Variants in SYT16 observed in about 807,000 individuals in gnomAD.
SYT16 encodes synaptotagmin-16.
Under a neutral mutation model 61.4 loss-of-function variants are expected in SYT16, and 42 were observed. The ratio of observed to expected loss-of-function variants is 0.68; its 90% CI spans 0.53 to 0.89. The LOEUF (loss-of-function observed/expected upper bound fraction) is 0.89. Among genes scored for constraint, SYT16 ranks in the 40% least tolerant of loss-of-function variants. The pLI is 0.00. For missense variants in SYT16, 804 were observed against 807.3 expected, an observed-to-expected ratio of 1.00 and a Z score of 0.05; for synonymous variants, 314 against 302.3, an observed-to-expected ratio of 1.04 and a Z score of -0.40.
At chr14:62,083,750 C>T (rs910783521) in intron 6 of SYT16, among the ~76,000 whole-genome samples, 1 of 152,190 alleles carries the variant, frequency 6.6e-6, no homozygotes, top group Non-Finnish European at 1.5e-5. Flanking sequence ...AGTTAAGACA[C>T]AACGCCTCCT....
At chr14:62,011,914 C>T (rs111573513) in intron 3 of SYT16, among the ~76,000 whole-genome samples, 6 of 94,460 alleles carry the variant, frequency 6.4e-5, no homozygotes, top group South Asian at 8.4e-4. Flanking sequence ...CATATATATA[C>T]ACACACACAC....
chr14:62,057,440 G>A (rs1311046769), intron 3 of SYT16, among the ~76,000 whole-genome samples: 1 of 152,132 alleles, frequency 6.6e-6, no homozygotes, highest in Non-Finnish European at 1.5e-5. Context: ...TAGAGACATG[G>A]GGGTAGGGTC....
rs569609980 is a variant in SYT16 at position 61,989,173 on chromosome 14, G to A, written c.-144-6703G>A. On this transcript the variant is annotated intron_variant, in intron 2 of 7. Coordinates refer to ENST00000683842, the MANE Select transcript of SYT16 (RefSeq NM_001367656.1). ...TTTTTTCCGTGGTATTAGCTCATTA[G>A]GGAAAGATGATAGGAGTTTAATGTA... Among the ~76,000 whole-genome samples the A allele has an allele frequency of 3.9e-5, 6 of 152,106 alleles. No homozygotes were observed. In the South Asian group the frequency reaches 1.2e-3, roughly 32 times the overall value.
intron 1 of SYT16, among the ~76,000 whole-genome samples, chr14:61,926,987 A>G (rs1349932111): frequency 1.3e-5 from 2 of 152,154 alleles, no homozygotes; most frequent in Non-Finnish European, 2.9e-5. Context: ...TGTAACAAAG[A>G]CTCAGCTGTA....
At chr14:62,032,761 T>C (rs1010499841) in intron 3 of SYT16, among the ~76,000 whole-genome samples, 3 of 151,884 alleles carry the variant, frequency 2.0e-5, no homozygotes, top group Non-Finnish European at 4.4e-5. Flanking sequence ...AATGAACTTA[T>C]TTAATTGGGG....
At chr14:62,049,949 C>T (rs1595269286) in intron 3 of SYT16, among the ~76,000 whole-genome samples, 1 of 152,210 alleles carries the variant, frequency 6.6e-6, no homozygotes, top group South Asian at 2.1e-4. Flanking sequence ...AATTATGTGT[C>T]TTGGAGTTGC....
intron 3 of SYT16, among the ~76,000 whole-genome samples, chr14:62,035,068 C>T (rs952825049): frequency 1.3e-5 from 2 of 152,068 alleles, no homozygotes; most frequent in Non-Finnish European, 2.9e-5. Context: ...TTACATATGT[C>T]CTCTGTTTTT....
rs533161469 is a variant in SYT16 at position 62,065,366 on chromosome 14, C to A, written c.524-4237C>A. Reference sequence around the variant, plus strand: ...CTATATAATCAGAATAGAATTCCTACTTCATGGAATGGGTAGATGCAAAGT... The same window carrying A: ...CTATATAATCAGAATAGAATTCCTAATTCATGGAATGGGTAGATGCAAAGT... On this transcript the variant is annotated intron_variant, in intron 3 of 7. Coordinates refer to ENST00000683842, the MANE Select transcript of SYT16 (RefSeq NM_001367656.1). 2.0e-5 allele frequency among the ~76,000 whole-genome samples: 3 copies of A among 152,206 alleles called. No individual in the cohort carries two copies. The South Asian group carries it at 6.2e-4, about 32-fold the overall frequency.
chr14:61,908,637 G>T (rs1265359861), intron 1 of SYT16, among the ~76,000 whole-genome samples: 1 of 152,150 alleles, frequency 6.6e-6, no homozygotes, highest in Non-Finnish European at 1.5e-5. Context: ...AGGTCTGACT[G>T]TATTGCTTTC....
At chr14:62,029,541 C>A (rs567923119) in intron 3 of SYT16, among the ~76,000 whole-genome samples, 3 of 152,160 alleles carry the variant, frequency 2.0e-5, no homozygotes, top group African/African-American at 7.2e-5. Context: ...CACTTCCTTT[C>A]GGGAGTTCTA....
chr14:62,063,935 A>T (rs2055941194), intron 3 of SYT16, among the ~76,000 whole-genome samples: 1 of 152,162 alleles, frequency 6.6e-6, no homozygotes, highest in Non-Finnish European at 1.5e-5. Flanking sequence ...TTGGTGGCAG[A>T]TGTTTAGATG....
intron 3 of SYT16, among the ~76,000 whole-genome samples, chr14:62,058,379 C>G (rs1461599913): frequency 1.5e-5 from 2 of 135,246 alleles, no homozygotes; most frequent in East Asian, 2.3e-4. Flanking sequence ...GAGTCTCGCT[C>G]TGTCACCCAG....
chr14:61,814,134 A>G (rs1357044947), intron 1 of SYT16, among the ~76,000 whole-genome samples: 1 of 152,098 alleles, frequency 6.6e-6, no homozygotes, highest in Non-Finnish European at 1.5e-5. Context: ...CCATCATCTG[A>G]TATGTGTGGG....
intron 1 of SYT16, among the ~76,000 whole-genome samples, chr14:61,907,213 C>A (rs932509625): frequency 2.0e-5 from 3 of 152,106 alleles, no homozygotes; most frequent in African/African-American, 4.8e-5. Context: ...AATATTTGAT[C>A]ATTTTATTCT....
At chr14:61,933,389 C>T (rs1443770176) in intron 1 of SYT16, among the ~76,000 whole-genome samples, 5 of 152,198 alleles carry the variant, frequency 3.3e-5, no homozygotes, top group Non-Finnish European at 7.4e-5. Flanking sequence ...AATAATCAAA[C>T]CTGACTCTTT....
intron 1 of SYT16, among the ~76,000 whole-genome samples, chr14:61,833,788 G>A (rs953105381): frequency 2.1e-5 from 3 of 145,690 alleles, no homozygotes; most frequent in East Asian, 4.0e-4. Flanking sequence ...CTTTCTTTGC[G>A]CTAGCGAGCA....
intron 7 of SYT16, among the ~76,000 whole-genome samples, chr14:62,088,553 A>AT (rs2056964441): frequency 6.6e-6 from 1 of 152,192 alleles, no homozygotes; most frequent in Admixed American, 6.5e-5. Context: ...AGTTAAATGG[A>AT]TGTATGCATT....
At chr14:61,850,187 T>C (rs1005577191) in intron 1 of SYT16, among the ~76,000 whole-genome samples, 1 of 151,748 alleles carries the variant, frequency 6.6e-6, no homozygotes, top group Non-Finnish European at 1.5e-5. Flanking sequence ...CAGGCTGGAG[T>C]GCAATGGTGT....
chr14:61,882,411 A>G (rs985973440), intron 1 of SYT16, among the ~76,000 whole-genome samples: 3 of 152,198 alleles, frequency 2.0e-5, no homozygotes, highest in Non-Finnish European at 4.4e-5. Context: ...AGCAGGAGAA[A>G]TGCCAGATGC....
Sources: gnomAD v4.1 joint callset for allele counts (sites outside exome capture counted in the v4.1 genomes callset) on GRCh38, gnomAD v4.1.1 for gene constraint, MANE v1.5 for transcripts, NCBI Gene and HGNC (gene_info 2026-07-23, HGNC 2026-07-21) for gene names.